Variants in AKAP19 observed in about 807,000 individuals in gnomAD.
AKAP19 encodes A-kinase anchoring protein 19.
the AKAP19 span, among the ~76,000 whole-genome samples, chr2:190,072,335 G>A: frequency 6.6e-6 from 1 of 151,860 alleles, no homozygotes; most frequent in South Asian, 2.1e-4. Context: ...TGGATGATGG[G>A]ACCAATCATA....
At chr2:189,984,621 C>G in the AKAP19 span, among the ~76,000 whole-genome samples, 1 of 152,122 alleles carries the variant, frequency 6.6e-6, no homozygotes, top group South Asian at 2.1e-4. Context: ...AAAGTAAAGA[C>G]AGGCATAGGA....
chr2:190,187,012 G>GT, the AKAP19 span, among the ~76,000 whole-genome samples: 1 of 151,868 alleles, frequency 6.6e-6, no homozygotes, highest in Non-Finnish European at 1.5e-5. Flanking sequence ...GCTGATTTTT[G>GT]TATCTTTAGT....
chr2:189,933,228 T>C, the AKAP19 span, among the ~76,000 whole-genome samples: 3 of 152,232 alleles, frequency 2.0e-5, no homozygotes, highest in East Asian at 1.9e-4. Flanking sequence ...AGTTTACTCA[T>C]GTAACAGAAG....
chr2:189,900,296 C>T, the AKAP19 span, among the ~76,000 whole-genome samples: 2 of 151,278 alleles, frequency 1.3e-5, no homozygotes, highest in South Asian at 2.1e-4. Flanking sequence ...ACAAAGAATG[C>T]GACTTTTTTT....
the AKAP19 span, among the ~76,000 whole-genome samples, chr2:190,183,538 AATGTTT>A: frequency 6.6e-6 from 1 of 152,130 alleles, no homozygotes; most frequent in Non-Finnish European, 1.5e-5. Context: ...TTCCTTGTTT[AATGTTT>A]AAGTTTCGAA....
At chr2:190,068,398 C>T in the AKAP19 span, among the ~76,000 whole-genome samples, 13 of 152,272 alleles carry the variant, frequency 8.5e-5, no homozygotes, top group South Asian at 2.1e-4. Context: ...AGCAGGATCT[C>T]GGCTCACTGC....
the AKAP19 span, among the ~76,000 whole-genome samples, chr2:190,068,762 G>T: frequency 6.6e-6 from 1 of 152,164 alleles, no homozygotes; most frequent in South Asian, 2.1e-4. Flanking sequence ...AAGTGAAAGG[G>T]TTTTTAGTTT....
the AKAP19 span, among the ~76,000 whole-genome samples, chr2:190,125,979 C>T: frequency 6.6e-6 from 1 of 151,692 alleles, no homozygotes; most frequent in Non-Finnish European, 1.5e-5. Context: ...TATTAATTAT[C>T]ACAGAAGTAA....
chr2:189,880,165 A>C, the AKAP19 span, among the ~76,000 whole-genome samples: 1 of 152,164 alleles, frequency 6.6e-6, no homozygotes, highest in East Asian at 1.9e-4. Flanking sequence ...AAAAGTGTAA[A>C]TAGGAGCCAC....
chr2:189,892,665 A>G, the AKAP19 span, among the ~76,000 whole-genome samples: 2 of 152,182 alleles, frequency 1.3e-5, no homozygotes, highest in African/African-American at 2.4e-5. Context: ...TGAGGTGTCT[A>G]TCAACCCCTG....
chr2:190,017,775 ATTAC>A, the AKAP19 span, among the ~76,000 whole-genome samples: 2 of 152,222 alleles, frequency 1.3e-5, no homozygotes, highest in East Asian at 3.9e-4. Context: ...GTTTTATGTT[ATTAC>A]TTAGCAGCAT....
chr2:189,886,434 T>A, the AKAP19 span, among the ~76,000 whole-genome samples: 5 of 152,158 alleles, frequency 3.3e-5, no homozygotes, highest in African/African-American at 4.8e-5. Flanking sequence ...ATAAACTTAT[T>A]TAGTTACTCA....
the AKAP19 span, among the ~76,000 whole-genome samples, chr2:190,195,941 CTTTT>C: frequency 9.3e-5 from 8 of 86,194 alleles, no homozygotes; most frequent in South Asian, 9.0e-4. Flanking sequence ...CTGTGTCCAG[CTTTT>C]TTTTTTTTTT....
chr2:190,171,845 C>T, the AKAP19 span, among the ~76,000 whole-genome samples: 1 of 152,092 alleles, frequency 6.6e-6, no homozygotes, highest in Non-Finnish European at 1.5e-5. Flanking sequence ...TCAGGCATTA[C>T]GGTAGGCCAG....
At chr2:189,930,393 T>C in the AKAP19 span, 1 of 345,560 alleles carries the variant, frequency 2.9e-6, no homozygotes, top group Non-Finnish European at 5.4e-6. Flanking sequence ...GAAATTGAAT[T>C]GGGGCTGGGC....
chr2:190,020,866 G>A, the AKAP19 span, among the ~76,000 whole-genome samples: 1 of 152,022 alleles, frequency 6.6e-6, no homozygotes, highest in African/African-American at 2.4e-5. Context: ...ATATGCATGG[G>A]TATCCTTTTG....
chr2:189,928,580 A>T, the AKAP19 span, among the ~76,000 whole-genome samples: 5 of 152,160 alleles, frequency 3.3e-5, no homozygotes, highest in African/African-American at 1.2e-4. Flanking sequence ...ACATGTAACA[A>T]TTTAACACAA....
the AKAP19 span, among the ~76,000 whole-genome samples, chr2:190,113,686 C>A: frequency 3.9e-5 from 6 of 152,180 alleles, no homozygotes; most frequent in Non-Finnish European, 5.9e-5. Flanking sequence ...TCTTTTCTAT[C>A]CCAGGAGTAG....
the AKAP19 span, among the ~76,000 whole-genome samples, chr2:189,976,289 A>C: frequency 6.6e-6 from 1 of 152,380 alleles, no homozygotes; most frequent in South Asian, 2.1e-4. Flanking sequence ...GCTGCAGAAC[A>C]GCGAATATTG....
Sources: gnomAD v4.1 joint callset for allele counts (sites outside exome capture counted in the v4.1 genomes callset) on GRCh38, gnomAD v4.1.1 for gene constraint, MANE v1.5 for transcripts, NCBI Gene and HGNC (gene_info 2026-07-23, HGNC 2026-07-21) for gene names.